The following MARCO variants were observed in gnomAD, a reference collection of about 807,000 sequenced individuals.
The protein encoded by MARCO is macrophage receptor with collagenous structure.
In MARCO, 72 loss-of-function variants were observed where a neutral mutation model predicts 70.0. The ratio of observed to expected loss-of-function variants is 1.03; its 90% CI spans 0.85 to 1.25. The LOEUF (loss-of-function observed/expected upper bound fraction) is 1.25. MARCO is among the 50% of genes most tolerant of loss of function. MARCO has a pLI of 0.00. For synonymous variants in MARCO, 273 were observed against 243.1 expected (o/e 1.12, Z -1.14); for missense variants, 696 against 659.3 (o/e 1.06, Z -0.61).
intron 1 of MARCO, among the ~76,000 whole-genome samples, chr2:118,956,803 C>T (rs1679846503): frequency 6.6e-6 from 1 of 152,018 alleles, no homozygotes; most frequent in Admixed American, 6.6e-5. Context: ...TCTCTCAGAC[C>T]ACAGTGGAAT....
intron 1 of MARCO, among the ~76,000 whole-genome samples, chr2:118,961,301 C>T (rs1248950614): frequency 6.6e-6 from 1 of 152,176 alleles, no homozygotes; most frequent in African/African-American, 2.4e-5. Context: ...ACACTGTCTT[C>T]CACAATGGTT....
chr2:118,955,342 G>A, intron 1 of MARCO, among the ~76,000 whole-genome samples: 1 of 152,038 alleles, frequency 6.6e-6, no homozygotes, highest in South Asian at 2.1e-4. Flanking sequence ...TGGATAAGTA[G>A]AAGAAAGAAA....
At chr2:118,991,138 T>C (rs1382783402) in intron 13 of MARCO, among the ~76,000 whole-genome samples, 2 of 152,198 alleles carry the variant, frequency 1.3e-5, no homozygotes, top group African/African-American at 2.4e-5. Flanking sequence ...AGCTGGACGG[T>C]GTTTCTAGGC....
At chr2:118,988,243 G>C (rs763235943) in intron 12 of MARCO, among the ~76,000 whole-genome samples, 1 of 152,250 alleles carries the variant, frequency 6.6e-6, no homozygotes, top group African/African-American at 2.4e-5. Flanking sequence ...GGGAGAGTCA[G>C]GCTTGGGGCT....
At chr2:118,990,012 A>G (rs763376033) in intron 12 of MARCO, among the ~76,000 whole-genome samples, 2 of 152,244 alleles carry the variant, frequency 1.3e-5, no homozygotes, top group Non-Finnish European at 2.9e-5. Context: ...GGGGACCTTT[A>G]ACATTAACTA....
chr2:118,982,054 A>T, intron 10 of MARCO, 102 bp from the exon 11 acceptor site: 1 of 742,026 alleles, frequency 1.3e-6, no homozygotes, highest in Non-Finnish European at 2.3e-6. Context: ...GTAAGGTGTT[A>T]AGAGGTACAT....
chr2:118,951,527 T>C (rs1679722416), intron 1 of MARCO, among the ~76,000 whole-genome samples: 1 of 152,356 alleles, frequency 6.6e-6, no homozygotes, highest in South Asian at 2.1e-4. Context: ...TTTGCTCTCT[T>C]AGCAAAGCAG....
chr2:118,969,941 G>A (rs1341731117), intron 2 of MARCO, among the ~76,000 whole-genome samples, 173 bp from the exon 3 acceptor site: 2 of 152,078 alleles, frequency 1.3e-5, no homozygotes, highest in East Asian at 1.9e-4. Flanking sequence ...AGTGTGGAGC[G>A]CACATGGTCA....
Position 118,974,382 on chromosome 2 carries a change from G to A in MARCO, c.510G>A (p.Pro170=), listed in dbSNP as rs140866852. ...TGGGCATGCCTGGTGCCCCTGGCCC[G>A]CCGGGACCACCTGCTGAGAAGGGAG... ...GAMGMPGAPG[P]PGPPAEKGAK... is the part of the protein sequence containing the mutation. The change falls in exon 5 of 17, where the codon CCG becomes CCA. Residue 170 remains proline, a synonymous_variant. Transcript: ENST00000327097. 256 of 1,611,030 alleles carry A rather than the reference G, an allele frequency of 1.6e-4. No homozygotes were observed. The highest frequency in any genetic ancestry group is 4.2e-4 in the East Asian group (19 of 44,796).
Position 118,953,619 on chromosome 2 carries a change from T to C in MARCO, c.97+11222T>C, listed in dbSNP as rs113415965. On this transcript the variant is annotated intron_variant, in intron 1 of 16. Transcript: ENST00000327097. Reference sequence around the variant, plus strand: ...CAGAGCAGCATGCAGAGGCTTGCATTGTGAATTTTAGCTCCATATCAACTG... The same window carrying C: ...CAGAGCAGCATGCAGAGGCTTGCATCGTGAATTTTAGCTCCATATCAACTG... Among the ~76,000 whole-genome samples, 1,885 of 152,186 alleles carry C rather than the reference T, an allele frequency of 0.012. 94 individuals carry two copies. In the South Asian group the frequency reaches 0.13, roughly 10 times the overall value.
intron 1 of MARCO, among the ~76,000 whole-genome samples, chr2:118,963,194 T>A (rs1679981051): frequency 6.6e-6 from 1 of 151,702 alleles, no homozygotes; most frequent in Non-Finnish European, 1.5e-5. Flanking sequence ...GTGTGTTGAT[T>A]GGAGGCCTTT....
At chr2:118,994,091 G>A (rs896430009) in intron 16 of MARCO, among the ~76,000 whole-genome samples, 2 of 152,166 alleles carry the variant, frequency 1.3e-5, no homozygotes, top group Non-Finnish European at 2.9e-5. Flanking sequence ...AAGGACACCC[G>A]CCTAGGAAGA....
chr2:118,977,898 T>A lies in MARCO; in HGVS notation c.729T>A (p.Thr243=). ...GTCTCATTGGCCCAAAAGGGGAAACTGGAACTAAGGGAGAGAAAGGAGACC... is the reference window on the plus strand; with the variant it reads ...GTCTCATTGGCCCAAAAGGGGAAACAGGAACTAAGGGAGAGAAAGGAGACC... The part of the protein sequence containing the change: ...DGGLIGPKGE[T]GTKGEKGDLG... The change falls in exon 8 of 17, where the codon ACT becomes ACA. Residue 243 remains threonine (T), a synonymous_variant. Transcript: ENST00000327097. 1 of 1,611,886 alleles carries A rather than the reference T, an allele frequency of 6.2e-7. No homozygotes were observed. Among genetic ancestry groups the A allele is most frequent in the Non-Finnish European group, 8.5e-7 (1 of 1,179,092 alleles).
At position 118,981,511 on chromosome 2, in the gene MARCO, A is replaced by T; in HGVS notation, c.865+4A>T. On this transcript the variant is annotated splice_donor_region_variant and intron_variant, in intron 9 of 16. Coordinates refer to ENST00000327097, the MANE Select transcript of MARCO (RefSeq NM_006770.4). ...TTCGGGAGGCCAGGCCCACCAGGTA[A>T]GAGGGCACGTGGTCACATCCACTGA... 6.2e-7 allele frequency: 1 copy of T among 1,601,676 alleles called. No homozygotes were observed. The highest frequency in any genetic ancestry group is 8.5e-7 in the Non-Finnish European group (1 of 1,176,120).
Position 118,991,888 on chromosome 2 carries a change from C to T in MARCO, c.1207+13C>T, listed in dbSNP as rs1433275547. 6.4e-7 allele frequency: 1 copy of T among 1,560,162 alleles called. No homozygotes were observed. The highest frequency in any genetic ancestry group is 8.7e-7 in the Non-Finnish European group (1 of 1,144,552). Reference sequence around the variant, plus strand: ...CAGGGAGTGAAAGGTAAGGCCTCTGCATCTGATTCCTTTGTTCTTAGGACT... The same window carrying T: ...CAGGGAGTGAAAGGTAAGGCCTCTGTATCTGATTCCTTTGTTCTTAGGACT... On this transcript the variant is annotated intron_variant, in intron 14 of 16. Coordinates refer to ENST00000327097, the MANE Select transcript of MARCO (RefSeq NM_006770.4).
At chr2:118,994,291 C>T (rs11678719) in intron 16 of MARCO, 96 bp from the exon 17 acceptor site, 249,197 of 1,370,694 alleles carry the variant, frequency 0.18, 25,813 homozygotes, top group African/African-American at 0.4. Flanking sequence ...GTCGGCAGTC[C>T]ACCTCAGATG....
intron 1 of MARCO, chr2:118,952,451 G>C (rs1052798069): frequency 6.6e-6 from 1 of 152,330 alleles, no homozygotes; most frequent in Non-Finnish European, 1.5e-5. Flanking sequence ...TGGAACCGCA[G>C]AGAGGACCCA....
intron 1 of MARCO, among the ~76,000 whole-genome samples, chr2:118,948,829 T>G (rs6752783): frequency 0.22 from 33,958 of 151,970 alleles, 5,732 homozygotes; most frequent in African/African-American, 0.47. Flanking sequence ...GTTTGTTTCT[T>G]GTTGATGAAA....
intron 1 of MARCO, among the ~76,000 whole-genome samples, chr2:118,955,033 C>T (rs955538050): frequency 9.2e-5 from 13 of 141,872 alleles, no homozygotes; most frequent in African/African-American, 1.2e-4. Flanking sequence ...CCTCAACCCC[C>T]GCCCTGCCAA....
Sources: gnomAD v4.1 joint callset for allele counts (sites outside exome capture counted in the v4.1 genomes callset) on GRCh38, gnomAD v4.1.1 for gene constraint, MANE v1.5 for transcripts, NCBI Gene and HGNC (gene_info 2026-07-23, HGNC 2026-07-21) for gene names.